The following AATF variants were observed in gnomAD, a reference collection of about 807,000 sequenced individuals.
AATF encodes the protein protein AATF.
Under a neutral mutation model 63.7 loss-of-function variants are expected in AATF, and 48 were observed. That is an observed-to-expected ratio of 0.75 (90% confidence interval 0.60 to 0.96). The LOEUF (loss-of-function observed/expected upper bound fraction) is 0.96, where lower values mean the gene tolerates loss of function less well. Ranked by LOEUF, AATF falls within the 40% of genes least tolerant of loss-of-function variation. AATF has a pLI of 0.00. For missense variants in AATF, 639 were observed against 685.7 expected (o/e 0.93, Z 0.76); for synonymous variants, 258 against 247.7 (o/e 1.04, Z -0.39).
At chr17:37,001,420 G>A (rs1167568587) in intron 8 of AATF, among the ~76,000 whole-genome samples, 4 of 108,068 alleles carry the variant, frequency 3.7e-5, no homozygotes, top group Non-Finnish European at 7.2e-5. Context: ...AGGAAGGAAG[G>A]AAGGAAGGAA....
chr17:37,030,433 G>A (rs2071543749), intron 10 of AATF, among the ~76,000 whole-genome samples: 1 of 152,060 alleles, frequency 6.6e-6, no homozygotes, highest in African/African-American at 2.4e-5. Flanking sequence ...CCCTAGTAGA[G>A]TTTTTTGGGT....
chr17:37,056,792 C>A lies in AATF; in HGVS notation c.*128C>A. ...CCTGGAAAGATGCTGCGTTCCGAACCTGTGCCTAATACACGCAAGGGCGCT... is the reference window on the plus strand; with the variant it reads ...CCTGGAAAGATGCTGCGTTCCGAACATGTGCCTAATACACGCAAGGGCGCT... On this transcript the variant is annotated 3_prime_UTR_variant, in exon 12 of 12. Transcript: ENST00000619387. 1.9e-6 allele frequency: 2 copies of A among 1,028,346 alleles called. No individual in the cohort carries two copies. The highest frequency in any genetic ancestry group is 1.5e-5 in the South Asian group (1 of 67,334). The allele number at this position is 1,028,346 out of a possible 1,614,324, so 63.7% of individuals were successfully genotyped here. A position where few individuals can be genotyped will look rare whatever the true frequency, so the allele number is the denominator to read the frequency against.
intron 10 of AATF, among the ~76,000 whole-genome samples, chr17:37,028,226 A>G (rs941715363): frequency 6.6e-6 from 1 of 152,038 alleles, no homozygotes; most frequent in Non-Finnish European, 1.5e-5. Context: ...AGCCTGGACA[A>G]CATAGCAAGA....
At chr17:36,972,724 A>C (rs1344160577) in intron 4 of AATF, among the ~76,000 whole-genome samples, 1 of 149,626 alleles carries the variant, frequency 6.7e-6, no homozygotes, top group African/African-American at 2.5e-5. Context: ...TGCATTTATC[A>C]TGATTGCTGT....
In AATF at chr17:36,962,599, G is replaced by A. The variant is rs937894803; in HGVS notation, c.832+8692G>A. On this transcript the variant is annotated intron_variant, in intron 4 of 11. Coordinates refer to ENST00000619387, the MANE Select transcript of AATF (RefSeq NM_012138.4). Reference sequence around the variant, plus strand: ...TTTTTTTGACTGCTCCATAGACAGAGCAGGGCTATCCCATAGGCAGAGTGG... The same window carrying A: ...TTTTTTTGACTGCTCCATAGACAGAACAGGGCTATCCCATAGGCAGAGTGG... Among the ~76,000 whole-genome samples, 9 of 151,476 alleles carry A rather than the reference G, an allele frequency of 5.9e-5. No homozygotes were observed. In the East Asian group the frequency reaches 1.7e-3, roughly 29 times the overall value.
At chr17:37,040,030 C>T (rs1482678356) in intron 11 of AATF, among the ~76,000 whole-genome samples, 3 of 151,920 alleles carry the variant, frequency 2.0e-5, no homozygotes, top group Non-Finnish European at 4.4e-5. Flanking sequence ...TCTTTTTTTC[C>T]CAAAGGGATG....
In AATF at chr17:37,009,848, A is replaced by AT. The variant is rs2071374945; in HGVS notation, c.1399-9157_1399-9156insT. Among the ~76,000 whole-genome samples the AT allele has an allele frequency of 9.3e-5, 14 of 151,252 alleles. No homozygotes were observed. In the South Asian group the frequency reaches 2.9e-3, roughly 32 times the overall value. On this transcript the variant is annotated intron_variant, in intron 8 of 11. Coordinates refer to ENST00000619387, the MANE Select transcript of AATF (RefSeq NM_012138.4). Reference sequence around the variant, plus strand: ...CAAAAAAAAAAAAAAAAAAAAAAAAAAACCATGCAGATTTGTTGAATAGAC... The same window carrying AT: ...CAAAAAAAAAAAAAAAAAAAAAAAAATAACCATGCAGATTTGTTGAATAGAC...
intron 11 of AATF, among the ~76,000 whole-genome samples, chr17:37,035,227 AT>A (rs914610567): frequency 2.0e-5 from 3 of 150,450 alleles, no homozygotes; most frequent in Admixed American, 6.6e-5. Context: ...TCTTTTTATT[AT>A]TTTTTTTTGA....
chr17:36,968,270 C>CTTTTTTTT lies in AATF; in HGVS notation c.832+14386_832+14393dup, dbSNP rs3049638. Among the ~76,000 whole-genome samples, 181 of 23,770 alleles carry CTTTTTTTT rather than the reference C, an allele frequency of 7.6e-3. 11 individuals carry two copies. The highest frequency in any genetic ancestry group is 0.017 in the East Asian group (14 of 832). 15.6% of individuals were successfully genotyped at this position (23,770 alleles called of 152,430 possible). A position where few individuals can be genotyped will look rare whatever the true frequency, so the allele number is the denominator to read the frequency against. Reference sequence around the variant, plus strand: ...TTTCTTTTTCTTTCTTTCCTTCTTTCTTTTTTTTTTTTTTTTTTTTTTTTT... The same window carrying CTTTTTTTT: ...TTTCTTTTTCTTTCTTTCCTTCTTTCTTTTTTTTTTTTTTTTTTTTTTTTTTTTTTTTT... On this transcript the variant is annotated intron_variant, in intron 4 of 11. Coordinates refer to ENST00000619387, the MANE Select transcript of AATF (RefSeq NM_012138.4).
At chr17:36,975,898 T>G (rs1235862171) in intron 4 of AATF, among the ~76,000 whole-genome samples, 2 of 152,224 alleles carry the variant, frequency 1.3e-5, no homozygotes, top group Admixed American at 6.5e-5. Flanking sequence ...AAGCATCTTC[T>G]CTGATGTACA....
intron 8 of AATF, among the ~76,000 whole-genome samples, chr17:37,016,415 C>T (rs2071428965): frequency 6.6e-6 from 1 of 152,126 alleles, no homozygotes; most frequent in Admixed American, 6.6e-5. Flanking sequence ...TGTGGCCAAC[C>T]TGAAAACCTA....
intron 11 of AATF, among the ~76,000 whole-genome samples, chr17:37,046,770 C>CACGCAT (rs58010867): frequency 6.6e-6 from 1 of 150,972 alleles, no homozygotes; most frequent in Non-Finnish European, 1.5e-5. Flanking sequence ...CACACACACA[C>CACGCAT]GCATGCACAC....
intron 2 of AATF, among the ~76,000 whole-genome samples, chr17:36,951,482 A>AT (rs2070854481): frequency 6.6e-6 from 1 of 152,346 alleles, no homozygotes; most frequent in Admixed American, 6.5e-5. Flanking sequence ...ACAGATTTTT[A>AT]TAAAAAATTA....
chr17:37,004,923 GT>G (rs1371855906), intron 8 of AATF, among the ~76,000 whole-genome samples: 2 of 152,130 alleles, frequency 1.3e-5, no homozygotes, highest in African/African-American at 4.8e-5. Flanking sequence ...ATGGCTTGGG[GT>G]TTTGCCACCG....
intron 10 of AATF, among the ~76,000 whole-genome samples, chr17:37,029,073 T>A (rs1057131634): frequency 2.6e-5 from 4 of 152,116 alleles, no homozygotes; most frequent in African/African-American, 9.7e-5. Flanking sequence ...TACTCTGTAG[T>A]GAGCCATGAT....
At chr17:36,977,419 T>C (rs745900745) in intron 4 of AATF, among the ~76,000 whole-genome samples, 7 of 152,120 alleles carry the variant, frequency 4.6e-5, no homozygotes, top group South Asian at 2.1e-4. Context: ...TCCAGACCCA[T>C]ACTATAGAGA....
chr17:36,958,598 A>G (rs1166366358), intron 4 of AATF, among the ~76,000 whole-genome samples: 2 of 152,214 alleles, frequency 1.3e-5, no homozygotes, highest in African/African-American at 4.8e-5. Context: ...TATGGGATAT[A>G]TCAAACTTAT....
At chr17:37,056,374 C>G (rs775955471) in intron 11 of AATF, 148 of 530,360 alleles carry the variant, frequency 2.8e-4, no homozygotes, top group Non-Finnish European at 4.0e-4. Flanking sequence ...CACTCATTCC[C>G]TGGAGACGGG....
At chr17:36,964,737 A>G (rs551911353) in intron 4 of AATF, among the ~76,000 whole-genome samples, 1 of 151,104 alleles carries the variant, frequency 6.6e-6, no homozygotes, top group Non-Finnish European at 1.5e-5. Context: ...CTATTTATTT[A>G]TTTTTTCCCT....
Sources: gnomAD v4.1 joint callset for allele counts (sites outside exome capture counted in the v4.1 genomes callset) on GRCh38, gnomAD v4.1.1 for gene constraint, MANE v1.5 for transcripts, NCBI Gene and HGNC (gene_info 2026-07-23, HGNC 2026-07-21) for gene names.